The following NBEAL1 variants were observed in gnomAD, a reference collection of about 807,000 sequenced individuals.
The protein encoded by NBEAL1 is neurobeachin-like protein 1.
A neutral mutation model predicts 351.3 loss-of-function variants in NBEAL1; 273 were observed. The ratio of observed to expected loss-of-function variants is 0.78; its 90% CI spans 0.70 to 0.86. The LOEUF (loss-of-function observed/expected upper bound fraction) is 0.86. NBEAL1 is among the 40% of genes least tolerant of loss of function. The pLI, the probability that NBEAL1 is intolerant of heterozygous loss-of-function variation, is 0.00. For missense variants in NBEAL1, 2,961 were observed against 3,201.3 expected, an observed-to-expected ratio of 0.92 and a Z score of 1.81; for synonymous variants, 1,050 against 1,086.4, an observed-to-expected ratio of 0.97 and a Z score of 0.66.
At chr2:203,032,089 C>G (rs2060957858) in intron 2 of NBEAL1, among the ~76,000 whole-genome samples, 1 of 152,116 alleles carries the variant, frequency 6.6e-6, no homozygotes, top group East Asian at 1.9e-4. Context: ...CGGAGAGGCC[C>G]ATCTTGTAAA....
At chr2:203,087,387 G>A (rs778545451) in intron 10 of NBEAL1, among the ~76,000 whole-genome samples, 4 of 151,962 alleles carry the variant, frequency 2.6e-5, no homozygotes, top group African/African-American at 4.8e-5. Flanking sequence ...CACCGAGCCC[G>A]GCCCCTTTTC....
At position 203,172,857 on chromosome 2, in the gene NBEAL1, A is replaced by G. The variant is rs750877686; in HGVS notation, c.6323+4A>G. On this transcript the variant is annotated splice_donor_region_variant and intron_variant, in intron 41 of 55. Coordinates refer to ENST00000683969, the MANE Select transcript of NBEAL1 (RefSeq NM_001378026.1). ...ACGCCAAAGCTATGAGAGAAAAGTA[A>G]GTGCTTCTTATTCCTTTTATAAAAT... 1 of 1,600,900 alleles carries G rather than the reference A, an allele frequency of 6.2e-7. No homozygotes were observed.
chr2:203,139,436 ATT>A, intron 31 of NBEAL1, among the ~76,000 whole-genome samples: 1 of 149,736 alleles, frequency 6.7e-6, no homozygotes, highest in African/African-American at 2.5e-5. Context: ...TGATGTTTCC[ATT>A]TTTTTATTTG....
chr2:203,093,479 C>T, intron 10 of NBEAL1, among the ~76,000 whole-genome samples: 1 of 152,130 alleles, frequency 6.6e-6, no homozygotes, highest in East Asian at 1.9e-4. Flanking sequence ...GGAATCATGA[C>T]CTTTAAAAGT....
intron 42 of NBEAL1, among the ~76,000 whole-genome samples, chr2:203,178,199 C>T (rs1304424816): frequency 6.9e-6 from 1 of 145,098 alleles, no homozygotes; most frequent in East Asian, 2.1e-4. Context: ...GAGTCTCACT[C>T]TGTCGCCCAG....
At chr2:203,056,886 T>C (rs995493207) in intron 5 of NBEAL1, among the ~76,000 whole-genome samples, 38 of 152,148 alleles carry the variant, frequency 2.5e-4, no homozygotes, top group African/African-American at 8.9e-4. Context: ...TTTTATATTA[T>C]AGTTAGTATA....
At chr2:203,057,929 C>T (rs1469842009) in intron 6 of NBEAL1, among the ~76,000 whole-genome samples, 2 of 150,402 alleles carry the variant, frequency 1.3e-5, no homozygotes, top group African/African-American at 2.4e-5. Context: ...CTGCAACCTT[C>T]GCCTCCCAGG....
rs2065949407 is a variant in NBEAL1 at position 203,221,060 on chromosome 2, T to C, written c.*3706T>C. On this transcript the variant is annotated 3_prime_UTR_variant, in exon 56 of 56. Transcript: ENST00000683969. ...ATCAAGTTTATGCTTCTGAAAAGAA[T>C]AAGTGGGCTCTCAGAATTAGAATTC... Among the ~76,000 whole-genome samples, 2 of 152,252 alleles carry C rather than the reference T, an allele frequency of 1.3e-5. No individual in the cohort carries two copies. The highest frequency in any genetic ancestry group is 1.3e-4 in the Admixed American group (2 of 15,290).
intron 31 of NBEAL1, 64 bp downstream of exon 31, chr2:203,138,812 A>G: frequency 7.0e-7 from 1 of 1,437,802 alleles, no homozygotes. Flanking sequence ...TTTATGTAAC[A>G]AGCCAGTTAA....
intron 33 of NBEAL1, among the ~76,000 whole-genome samples, chr2:203,146,511 G>A (rs1299442467): frequency 1.3e-5 from 2 of 152,102 alleles, no homozygotes; most frequent in East Asian, 3.9e-4. Context: ...TAATACATTA[G>A]ATCAAGCACA....
Position 203,110,161 on chromosome 2 carries a change from G to A in NBEAL1, c.1961G>A (p.Gly654Glu). Residue 654 changes from glycine (G) to glutamate (E), a missense_variant, in exon 15 of 56, where the codon GGA (glycine) becomes GAA (glutamate). Transcript: ENST00000683969. ...KRKQLYSFFTGSGMGFEAFIT... is the reference protein window; with the variant it reads ...KRKQLYSFFTESGMGFEAFIT... ...CGTATTTTTTTTAGTTTTTTTACAG[G>A]AAGTGGCATGGGTTTTGAAGCCTTT... 1 of 1,544,492 alleles carries A rather than the reference G, an allele frequency of 6.5e-7. No individual in the cohort carries two copies. Among genetic ancestry groups the A allele is most frequent in the Non-Finnish European group, 8.7e-7 (1 of 1,145,046 alleles).
chr2:203,017,580 C>T (rs1321324666), intron 2 of NBEAL1, among the ~76,000 whole-genome samples: 3 of 151,924 alleles, frequency 2.0e-5, no homozygotes, highest in Non-Finnish European at 4.4e-5. Flanking sequence ...GTCACTAACA[C>T]GTTAACCAAA....
At chr2:203,104,505 G>A (rs2062392131) in intron 12 of NBEAL1, among the ~76,000 whole-genome samples, 1 of 152,182 alleles carries the variant, frequency 6.6e-6, no homozygotes, top group African/African-American at 2.4e-5. Context: ...TTGCCACTCT[G>A]TGCCTTTTAA....
chr2:203,059,164 G>A (rs1470185324), intron 6 of NBEAL1, among the ~76,000 whole-genome samples: 1 of 152,142 alleles, frequency 6.6e-6, no homozygotes, highest in Admixed American at 6.5e-5. Context: ...ATAACTGAGA[G>A]AACATTTATA....
At position 203,169,743 on chromosome 2, in the gene NBEAL1, A is replaced by G. The variant is rs762920143; in HGVS notation, c.5998-4A>G. On this transcript the variant is annotated splice_polypyrimidine_tract_variant and splice_region_variant and intron_variant, in intron 38 of 55. Transcript: ENST00000683969. ...TTTAAAGTATAAAATGCTGTTTTTT[A>G]TAGGTTAGAAACAAAATATATAGCC... 8 of 1,559,696 alleles carry G rather than the reference A, an allele frequency of 5.1e-6. No individual in the cohort carries two copies. The highest frequency in any genetic ancestry group is 2.8e-5 in the African/African-American group (2 of 72,576).
intron 35 of NBEAL1, among the ~76,000 whole-genome samples, chr2:203,157,281 C>T (rs1400490969): frequency 6.6e-6 from 1 of 152,090 alleles, no homozygotes; most frequent in Non-Finnish European, 1.5e-5. Flanking sequence ...TATTATTTCC[C>T]AATTAAAGAC....
chr2:203,194,923 C>T (rs1188113337), intron 47 of NBEAL1, among the ~76,000 whole-genome samples: 4 of 152,054 alleles, frequency 2.6e-5, no homozygotes, highest in Admixed American at 6.5e-5. Context: ...TTTGGCCGGG[C>T]GCAGTGGCTC....
At chr2:203,089,604 G>C (rs551495080) in intron 10 of NBEAL1, among the ~76,000 whole-genome samples, 1 of 152,218 alleles carries the variant, frequency 6.6e-6, no homozygotes, top group Non-Finnish European at 1.5e-5. Flanking sequence ...TAGCATTTAA[G>C]AGACACGAGA....
At chr2:203,054,598 G>T (rs961427228) in intron 4 of NBEAL1, among the ~76,000 whole-genome samples, 1 of 151,680 alleles carries the variant, frequency 6.6e-6, no homozygotes, top group Non-Finnish European at 1.5e-5. Context: ...TTTTTCTTTT[G>T]CTCAAATTGT....
Sources: allele counts gnomAD v4.1 joint callset (sites outside exome capture counted in the v4.1 genomes callset), GRCh38; gene constraint gnomAD v4.1.1; transcripts MANE v1.5; gene names NCBI Gene and HGNC (gene_info 2026-07-23, HGNC 2026-07-21).